MCTP1: variants seen among roughly 807,000 people sequenced by gnomAD.
MCTP1 encodes the protein multiple C2 and transmembrane domain containing 1, also known as multiple C2 and transmembrane domain-containing protein 1.
MCTP1 carries 69 observed loss-of-function variants against 120.6 expected under a neutral mutation model. The observed-to-expected ratio is 0.57, with a 90% CI of 0.47 to 0.70. The LOEUF is 0.70. MCTP1 is among the 30% of genes least tolerant of loss of function. The pLI is 0.00. For synonymous variants in MCTP1, 529 were observed against 493.1 expected, an observed-to-expected ratio of 1.07 and a Z score of -0.96; for missense variants, 1,203 against 1,248.8, an observed-to-expected ratio of 0.96 and a Z score of 0.55.
Position 95,284,419 on chromosome 5 carries a change from T to A in MCTP1, c.157A>T (p.Thr53Ser), listed in dbSNP as rs772068830. 2 of 1,570,116 alleles carry A rather than the reference T, an allele frequency of 1.3e-6. No homozygotes were observed. Among genetic ancestry groups the A allele is most frequent in the East Asian group, 4.6e-5 (2 of 43,090 alleles). ...AGGPERRTADTPSPSPPPPVG... is the reference protein window; with the variant it reads ...AGGPERRTADSPSPSPPPPVG... Reference sequence around the variant, plus strand: ...GGGGGTGGCGGGGAGGGCGACGGGGTGTCCGCAGTGCGGCGCTCTGGACCC... The same window carrying A: ...GGGGGTGGCGGGGAGGGCGACGGGGAGTCCGCAGTGCGGCGCTCTGGACCC... Residue 53 changes from threonine (T) to serine (S), a missense_variant, in exon 1 of 23, where the codon ACC becomes TCC. By Grantham distance (58) the Thr-to-Ser change is moderately conservative. This residue lies in a region of MCTP1 where 463 missense variants were observed against 377.8 expected (regional missense o/e 1.23). Transcript: ENST00000515393. The surrounding 1 kb of genome is among the most constrained non-coding windows in gnomAD (Gnocchi z 5.2).
intron 17 of MCTP1, among the ~76,000 whole-genome samples, chr5:94,852,508 G>GA (rs888203835): frequency 7.3e-5 from 11 of 151,676 alleles, no homozygotes; most frequent in African/African-American, 2.7e-4. Context: ...AACTGAATAA[G>GA]AAAAAAATTG....
At chr5:95,283,776 C>T in intron 1 of MCTP1, 80 bp downstream of exon 1, 1 of 1,187,224 alleles carries the variant, frequency 8.4e-7, no homozygotes. Flanking sequence ...CCCCCGCCCC[C>T]CGCTCCCCGG....
At position 95,224,424 on chromosome 5, in the gene MCTP1, A is replaced by G. The variant is rs373162556; in HGVS notation, c.720+59432T>C. 2.0e-5 allele frequency among the ~76,000 whole-genome samples: 3 copies of G among 152,002 alleles called. No homozygotes were observed. In the East Asian group the frequency reaches 5.8e-4, roughly 29 times the overall value. ...CTAACACATCCCAAAGAATCAGTCC[A>G]CCATCCAATTTCTCTGCATTTAAAC... On this transcript the variant is annotated intron_variant, in intron 1 of 22. Transcript: ENST00000515393.
intron 19 of MCTP1, among the ~76,000 whole-genome samples, chr5:94,724,119 T>C (rs1761574916): frequency 6.6e-6 from 1 of 152,136 alleles, no homozygotes; most frequent in Middle Eastern, 3.2e-3. Context: ...TCAACAAAAA[T>C]TATTTGTAAA....
chr5:95,199,902 T>C (rs1419352257), intron 1 of MCTP1, among the ~76,000 whole-genome samples: 1 of 149,714 alleles, frequency 6.7e-6, no homozygotes, highest in Non-Finnish European at 1.5e-5. Flanking sequence ...GGCTCATGCC[T>C]GTAACCCCAG....
Position 95,075,092 on chromosome 5 carries a change from A to G in MCTP1, c.721-57608T>C, listed in dbSNP as rs117723757. The stretch of plus-strand genomic sequence containing the variant: ...ACCTTGTACTATCAACATTTTGTAA[A>G]TATGAATTATACACTATTCAGGTAA... On this transcript the variant is annotated intron_variant, in intron 1 of 22. Coordinates refer to ENST00000515393, the MANE Select transcript of MCTP1 (RefSeq NM_024717.7). Among the ~76,000 whole-genome samples, 7 of 152,362 alleles carry G rather than the reference A, an allele frequency of 4.6e-5. No individual in the cohort carries two copies. The East Asian group carries it at 9.6e-4, about 21-fold the overall frequency.
At chr5:95,202,117 C>G (rs1245197401) in intron 1 of MCTP1, among the ~76,000 whole-genome samples, 1 of 152,196 alleles carries the variant, frequency 6.6e-6, no homozygotes, top group Admixed American at 6.5e-5. Context: ...GAAGACCACT[C>G]TTGATGTGGG....
At position 95,220,258 on chromosome 5, in the gene MCTP1, G is replaced by T. The variant is rs1045262028; in HGVS notation, c.720+63598C>A. ...AACCAAGCACAACTTGATTTTCATAGTACAATATTTAAAAATAAAATAACA... is the reference window on the plus strand; with the variant it reads ...AACCAAGCACAACTTGATTTTCATATTACAATATTTAAAAATAAAATAACA... On this transcript the variant is annotated intron_variant, in intron 1 of 22. Transcript: ENST00000515393. Among the ~76,000 whole-genome samples, 24 of 151,436 alleles carry T rather than the reference G, an allele frequency of 1.6e-4. 1 individual carries two copies. The highest frequency in any genetic ancestry group is 1.1e-3 in the Admixed American group (16 of 15,196).
At chr5:95,166,916 T>C (rs1359513938) in intron 1 of MCTP1, among the ~76,000 whole-genome samples, 1 of 133,336 alleles carries the variant, frequency 7.5e-6, no homozygotes, top group African/African-American at 2.8e-5. Flanking sequence ...CCCTTTCTAT[T>C]CTTTTTTTTT....
intron 1 of MCTP1, among the ~76,000 whole-genome samples, chr5:95,268,072 TATC>T (rs1370457392): frequency 5.3e-5 from 8 of 152,260 alleles, no homozygotes; most frequent in Admixed American, 2.6e-4. Flanking sequence ...TGGGACTTCT[TATC>T]ATACAATTCA....
chr5:94,723,725 T>C (rs1761446899), intron 19 of MCTP1, among the ~76,000 whole-genome samples: 1 of 152,196 alleles, frequency 6.6e-6, no homozygotes, highest in Non-Finnish European at 1.5e-5. Context: ...CTTATACATG[T>C]AATTTGCATG....
At chr5:95,246,662 C>A (rs1237950415) in intron 1 of MCTP1, among the ~76,000 whole-genome samples, 1 of 152,160 alleles carries the variant, frequency 6.6e-6, no homozygotes, top group African/African-American at 2.4e-5. Context: ...ATTCATAAAG[C>A]AAGTCCTTAG....
At chr5:94,796,615 A>ATATATATTATATATGTAATATATAT (rs1780098495) in intron 18 of MCTP1, among the ~76,000 whole-genome samples, 7 of 92,800 alleles carry the variant, frequency 7.5e-5, no homozygotes, top group Admixed American at 2.6e-4. Flanking sequence ...AATATATATA[A>ATATATATTATATATGTAATATATAT]TATATATAAT....
chr5:95,024,206 T>C (rs1838758811), intron 1 of MCTP1: 1 of 289,324 alleles, frequency 3.5e-6, no homozygotes, highest in Non-Finnish European at 6.9e-6. Flanking sequence ...CTTGATTTTT[T>C]TCTTCTGGTA....
At chr5:94,707,627 A>G in intron 22 of MCTP1, 60 bp from the exon 23 acceptor site, 1 of 1,265,842 alleles carries the variant, frequency 7.9e-7, no homozygotes, top group Non-Finnish European at 1.2e-6. Context: ...CAAAGAAAGG[A>G]ACAGCAAAGG....
At chr5:94,850,808 T>G (rs925052768) in intron 17 of MCTP1, among the ~76,000 whole-genome samples, 3 of 152,124 alleles carry the variant, frequency 2.0e-5, no homozygotes, top group African/African-American at 7.2e-5. Flanking sequence ...GAACTAATAC[T>G]GATCATTTTA....
At chr5:95,259,428 A>G (rs1277578938) in intron 1 of MCTP1, among the ~76,000 whole-genome samples, 3 of 152,190 alleles carry the variant, frequency 2.0e-5, no homozygotes, top group Non-Finnish European at 4.4e-5. Context: ...CAGATTCCAT[A>G]TAGCCCCCCA....
In MCTP1 at chr5:94,899,184, G is replaced by A. The variant is rs116260358; in HGVS notation, c.1653-4349C>T. On this transcript the variant is annotated intron_variant, in intron 10 of 22. Coordinates refer to ENST00000515393, the MANE Select transcript of MCTP1 (RefSeq NM_024717.7). ...CTGACTATCCTCTTTGGTTCACAGA[G>A]CAGCTCTCCTGACATCTGTTTTATA... 5.2e-3 allele frequency among the ~76,000 whole-genome samples: 794 copies of A among 152,344 alleles called. 6 individuals carry two copies. Among genetic ancestry groups the A allele is most frequent in the Middle Eastern group, 0.031 (9 of 294 alleles).
intron 10 of MCTP1, among the ~76,000 whole-genome samples, chr5:94,905,758 A>G (rs10038865): frequency 0.019 from 2,929 of 152,300 alleles, 86 homozygotes; most frequent in African/African-American, 0.067. Flanking sequence ...TCAAATAGTG[A>G]TATCAAGTAG....
Sources: gnomAD v4.1 joint callset for allele counts (sites outside exome capture counted in the v4.1 genomes callset) on GRCh38, gnomAD v4.1.1 for gene constraint, gnomAD v4.1.1 regional missense constraint, Gnocchi (gnomAD v3.1) non-coding constraint, MANE v1.5 for transcripts, NCBI Gene and HGNC (gene_info 2026-07-23, HGNC 2026-07-21) for gene names.